The following TBC1D5 variants were observed in gnomAD, a reference collection of about 807,000 sequenced individuals.
The protein encoded by TBC1D5 is TBC1 domain family, member 5.
TBC1D5 carries 75 observed loss-of-function variants against 100.3 expected under a neutral mutation model. The ratio of observed to expected loss-of-function variants is 0.75; its 90% CI spans 0.62 to 0.91. The LOEUF (loss-of-function observed/expected upper bound fraction) is 0.91, where lower values mean the gene tolerates loss of function less well. Among genes scored for constraint, TBC1D5 ranks in the 40% least tolerant of loss-of-function variants. TBC1D5 has a pLI of 0.00. For synonymous variants in TBC1D5, 323 were observed against 325.6 expected (o/e 0.99, Z 0.09); for missense variants, 910 against 942.4 (o/e 0.97, Z 0.45).
intron 13 of TBC1D5, among the ~76,000 whole-genome samples, chr3:17,334,499 G>A (rs1407254041): frequency 6.6e-6 from 1 of 152,116 alleles, no homozygotes; most frequent in South Asian, 2.1e-4. Flanking sequence ...GCAGTGCAAA[G>A]ATGGCTAAGT....
chr3:17,295,137 T>C (rs1316500327), intron 14 of TBC1D5, among the ~76,000 whole-genome samples: 1 of 152,138 alleles, frequency 6.6e-6, no homozygotes, highest in Non-Finnish European at 1.5e-5. Flanking sequence ...AACAAAATAG[T>C]GAAGGCACAT....
Position 17,544,957 on chromosome 3 carries a change from G to A in TBC1D5, c.-35-36352C>T, listed in dbSNP as rs570618012. ...ATGGGTCCCTATACTGACATTAACT[G>A]TAGAATGAGCATATTTATTTTACAA... On this transcript the variant is annotated intron_variant, in intron 2 of 21. Transcript: ENST00000253692. Among the ~76,000 whole-genome samples the A allele has an allele frequency of 1.7e-3, 266 of 152,168 alleles. 2 individuals carry two copies. The Middle Eastern group carries it at 0.027, about 16-fold the overall frequency.
At chr3:17,190,340 A>G (rs541798895) in intron 18 of TBC1D5, among the ~76,000 whole-genome samples, 1 of 152,304 alleles carries the variant, frequency 6.6e-6, no homozygotes, top group South Asian at 2.1e-4. Context: ...ACAATTCTGG[A>G]AAGGGAAGAT....
At chr3:17,315,613 A>G (rs1407100690) in intron 13 of TBC1D5, among the ~76,000 whole-genome samples, 1 of 152,262 alleles carries the variant, frequency 6.6e-6, no homozygotes, top group East Asian at 1.9e-4. Context: ...TTCTCCAGTG[A>G]TATTACTATC....
intron 1 of TBC1D5, among the ~76,000 whole-genome samples, chr3:17,668,352 A>T (rs975900351): frequency 1.3e-4 from 19 of 151,866 alleles, no homozygotes; most frequent in Admixed American, 9.8e-4. Context: ...TCAAAATTCT[A>T]GTTTGATTTT....
intron 2 of TBC1D5, among the ~76,000 whole-genome samples, chr3:17,547,810 T>C (rs2096433317): frequency 6.6e-6 from 1 of 152,234 alleles, no homozygotes; most frequent in Admixed American, 6.5e-5. Flanking sequence ...TATTGCAGTA[T>C]GTGCAATGAG....
At chr3:17,663,290 C>G (rs970994427) in intron 1 of TBC1D5, among the ~76,000 whole-genome samples, 1 of 145,678 alleles carries the variant, frequency 6.9e-6, no homozygotes, top group Non-Finnish European at 1.5e-5. Flanking sequence ...AAAAATAAAA[C>G]AAATCCAAAC....
exon 13 of TBC1D5, chr3:17,372,234 A>C (rs148707473): frequency 8.7e-6 from 14 of 1,608,698 alleles, no homozygotes; most frequent in African/African-American, 2.7e-5. Context: ...GGGAGTCATC[A>C]GTGTTTCTTT....
chr3:17,258,183 C>G (rs1368801382), intron 16 of TBC1D5, among the ~76,000 whole-genome samples: 1 of 152,028 alleles, frequency 6.6e-6, no homozygotes, highest in Non-Finnish European at 1.5e-5. Flanking sequence ...ATAAAACTGT[C>G]TCTTTTCAAT....
intron 14 of TBC1D5, among the ~76,000 whole-genome samples, chr3:17,297,539 G>A (rs1396713781): frequency 6.6e-6 from 1 of 150,380 alleles, no homozygotes; most frequent in African/African-American, 2.5e-5. Flanking sequence ...TCACACCACC[G>A]CACTCCAGCC....
intron 1 of TBC1D5, among the ~76,000 whole-genome samples, chr3:17,721,985 AAATT>A (rs1291032660): frequency 2.7e-4 from 41 of 152,282 alleles, no homozygotes; most frequent in Non-Finnish European, 4.9e-4. Context: ...CTGTCTCAAA[AAATT>A]AATTAATTAA....
At chr3:17,505,168 TTAAG>T (rs1395871611) in intron 3 of TBC1D5, among the ~76,000 whole-genome samples, 3 of 152,162 alleles carry the variant, frequency 2.0e-5, no homozygotes, top group Non-Finnish European at 2.9e-5. Flanking sequence ...ATAAAAGCTA[TTAAG>T]TAAGAAGGTG....
chr3:17,425,134 T>A (rs891023580), intron 4 of TBC1D5, among the ~76,000 whole-genome samples: 1 of 152,228 alleles, frequency 6.6e-6, no homozygotes, highest in Non-Finnish European at 1.5e-5. Flanking sequence ...ACAATGATGA[T>A]GATGACACTG....
intron 15 of TBC1D5, among the ~76,000 whole-genome samples, chr3:17,271,723 ATGATGT>A (rs1438232919): frequency 6.6e-6 from 1 of 152,094 alleles, no homozygotes; most frequent in Non-Finnish European, 1.5e-5. Context: ...CCTGTTCAGT[ATGATGT>A]TGGCTGTGGG....
At chr3:17,523,364 T>C (rs566957907) in intron 2 of TBC1D5, among the ~76,000 whole-genome samples, 27 of 151,990 alleles carry the variant, frequency 1.8e-4, no homozygotes, top group Non-Finnish European at 3.2e-4. Context: ...ACAAAGAAAA[T>C]GCAGACCACA....
At chr3:17,695,063 A>C (rs2071796109) in intron 1 of TBC1D5, among the ~76,000 whole-genome samples, 4 of 152,170 alleles carry the variant, frequency 2.6e-5, no homozygotes, top group African/African-American at 7.2e-5. Flanking sequence ...TTCTGTCACC[A>C]CCAGGCCTGC....
intron 13 of TBC1D5, among the ~76,000 whole-genome samples, chr3:17,337,125 T>TG (rs1268962249): frequency 1.4e-5 from 1 of 70,164 alleles, no homozygotes; most frequent in Non-Finnish European, 2.5e-5. Context: ...TCTGAGAGGT[T>TG]TTTTTTTTTT....
At chr3:17,196,389 C>CA (rs202238230) in intron 18 of TBC1D5, among the ~76,000 whole-genome samples, 1,919 of 152,224 alleles carry the variant, frequency 0.013, 19 homozygotes, top group Non-Finnish European at 0.019. Context: ...TCACTCTGGT[C>CA]AGAAGAGACA....
chr3:17,279,597 C>T (rs1439298628), intron 15 of TBC1D5, among the ~76,000 whole-genome samples: 1 of 152,172 alleles, frequency 6.6e-6, no homozygotes, highest in African/African-American at 2.4e-5. Flanking sequence ...TTTGTATAGT[C>T]ACTGTGCATG....
Sources: allele counts gnomAD v4.1 joint callset (sites outside exome capture counted in the v4.1 genomes callset), GRCh38; gene constraint gnomAD v4.1.1; transcripts MANE v1.5; gene names NCBI Gene and HGNC (gene_info 2026-07-23, HGNC 2026-07-21).